Variants in PLXNA4 observed in about 807,000 individuals in gnomAD.
PLXNA4 encodes the protein plexin A4, also known as plexin-A4.
A neutral mutation model predicts 191.8 loss-of-function variants in PLXNA4; 44 were observed. That is an observed-to-expected ratio of 0.23 (90% CI 0.18 to 0.29). The LOEUF (loss-of-function observed/expected upper bound fraction) is 0.29, where lower values mean the gene tolerates loss of function less well. PLXNA4 is among the 10% of genes least tolerant of loss of function. The probability of loss-of-function intolerance (pLI) is 1.00; values close to 1 mark genes in which losing one functional copy is unlikely to be tolerated. For synonymous variants in PLXNA4, 1,082 were observed against 1,009.5 expected (o/e 1.07, Z -1.36); for missense variants, 1,800 against 2,488.8 (o/e 0.72, Z 5.89).
chr7:132,494,830 G>A (rs976500629), intron 2 of PLXNA4, among the ~76,000 whole-genome samples: 7 of 152,130 alleles, frequency 4.6e-5, no homozygotes, highest in East Asian at 1.9e-4. Flanking sequence ...AAATGCAGAC[G>A]GTTTCCTTCC....
chr7:132,579,807 G>A (rs1006806580), upstream of PLXNA4, among the ~76,000 whole-genome samples: 1 of 152,136 alleles, frequency 6.6e-6, no homozygotes, highest in African/African-American at 2.4e-5. Flanking sequence ...ACGGTAAAAG[G>A]CATACCAAAG....
chr7:132,206,437 G>GGTGTGTGTGTGTGTGTGTGTGT (rs61032250), intron 10 of PLXNA4, among the ~76,000 whole-genome samples: 2 of 148,334 alleles, frequency 1.3e-5, no homozygotes, highest in Non-Finnish European at 3.0e-5. Context: ...TATGTTTTCT[G>GGTGTGTGTGTGTGTGTGTGTGT]GTGTGTGTGT....
At chr7:132,614,090 T>C (rs1341744446) in intron 2 of PLXNA4, among the ~76,000 whole-genome samples, 1 of 152,250 alleles carries the variant, frequency 6.6e-6, no homozygotes, top group Non-Finnish European at 1.5e-5. Context: ...TGTAGAAATG[T>C]AATGTGAGTC....
At chr7:132,493,747 GTGGATGGATGGA>G (rs369999925) in intron 2 of PLXNA4, among the ~76,000 whole-genome samples, 2,271 of 146,440 alleles carry the variant, frequency 0.016, 45 homozygotes, top group African/African-American at 0.042. Flanking sequence ...GGGTGGATGG[GTGGATGGATGGA>G]TGGATGGATG....
intron 3 of PLXNA4, among the ~76,000 whole-genome samples, chr7:132,464,098 A>G (rs1267589690): frequency 1.3e-5 from 2 of 152,238 alleles, no homozygotes; most frequent in African/African-American, 2.4e-5. Flanking sequence ...TGCTGTAATA[A>G]TACCAATTAA....
intron 3 of PLXNA4, among the ~76,000 whole-genome samples, chr7:132,477,199 G>C (rs1797164737): frequency 6.6e-6 from 1 of 152,122 alleles, no homozygotes; most frequent in Non-Finnish European, 1.5e-5. Context: ...AAACTGTATG[G>C]ACAGAATTAT....
chr7:132,350,548 T>C (rs2341822), intron 3 of PLXNA4, among the ~76,000 whole-genome samples: 38,912 of 151,984 alleles, frequency 0.26, 5,359 homozygotes, highest in African/African-American at 0.35. Flanking sequence ...ATACATTAAC[T>C]CCATTCAGAG....
At chr7:132,465,172 G>A (rs1295659918) in intron 3 of PLXNA4, among the ~76,000 whole-genome samples, 3 of 151,380 alleles carry the variant, frequency 2.0e-5, no homozygotes, top group Non-Finnish European at 3.0e-5. Context: ...GTGATTTCAC[G>A]ATTCAGTCTA....
chr7:132,332,718 G>C (rs1802640370), intron 3 of PLXNA4, among the ~76,000 whole-genome samples: 1 of 151,936 alleles, frequency 6.6e-6, no homozygotes, highest in Non-Finnish European at 1.5e-5. Flanking sequence ...ACTTAGCTGG[G>C]TGTGGTGGGC....
At chr7:132,195,032 A>G (rs1797211635) in intron 13 of PLXNA4, among the ~76,000 whole-genome samples, 1 of 152,112 alleles carries the variant, frequency 6.6e-6, no homozygotes, top group South Asian at 2.1e-4. Context: ...TGCCCAATAC[A>G]TATATTTGCA....
intron 3 of PLXNA4, among the ~76,000 whole-genome samples, chr7:132,311,193 T>TGTGTGTGTGTGTGTGTGTGTGC (rs71178034): frequency 2.2e-5 from 2 of 89,828 alleles, no homozygotes; most frequent in African/African-American, 7.7e-5. Flanking sequence ...TGTGTGTGTG[T>TGTGTGTGTGTGTGTGTGTGTGC]GCGCGTGTGG....
chr7:132,330,288 C>T (rs1030586115), intron 3 of PLXNA4, among the ~76,000 whole-genome samples: 6 of 152,182 alleles, frequency 3.9e-5, no homozygotes, highest in African/African-American at 1.4e-4. Flanking sequence ...CCTCGCAGTG[C>T]TGGCCACCTT....
chr7:132,225,704 A>G (rs779904287), intron 8 of PLXNA4, among the ~76,000 whole-genome samples: 64 of 152,000 alleles, frequency 4.2e-4, no homozygotes, highest in Non-Finnish European at 7.1e-4. Flanking sequence ...TGAGCATGCA[A>G]TTGAGTGGTT....
chr7:132,396,627 A>T (rs1482790040), intron 3 of PLXNA4, among the ~76,000 whole-genome samples: 1 of 152,182 alleles, frequency 6.6e-6, no homozygotes, highest in Admixed American at 6.5e-5. Context: ...AGTAGCTGGG[A>T]TTACAGGTGT....
At chr7:132,532,966 G>T (rs1278132234) in intron 1 of PLXNA4, among the ~76,000 whole-genome samples, 2 of 152,176 alleles carry the variant, frequency 1.3e-5, no homozygotes, top group African/African-American at 4.8e-5. Context: ...GATCTTCCTT[G>T]TAGGTTGTGA....
At chr7:132,518,105 G>A (rs112778240) in intron 1 of PLXNA4, among the ~76,000 whole-genome samples, 133 of 152,156 alleles carry the variant, frequency 8.7e-4, no homozygotes, top group African/African-American at 2.9e-3. Context: ...CATGCAGCTC[G>A]CTACAGTCTG....
At chr7:132,293,082 A>G (rs1366151998) in intron 4 of PLXNA4, among the ~76,000 whole-genome samples, 2 of 152,156 alleles carry the variant, frequency 1.3e-5, no homozygotes, top group African/African-American at 4.8e-5. Context: ...GAGTCACAGG[A>G]TGGGGCCAAG....
At chr7:132,537,889 C>A (rs1309037248) in intron 1 of PLXNA4, among the ~76,000 whole-genome samples, 1 of 152,348 alleles carries the variant, frequency 6.6e-6, no homozygotes, top group Non-Finnish European at 1.5e-5. Context: ...GGGGCCACCA[C>A]AACCCGCACG....
At chr7:132,562,865 TCTCCTC>T (rs1206472791) in intron 1 of PLXNA4, among the ~76,000 whole-genome samples, 3 of 56,056 alleles carry the variant, frequency 5.4e-5, no homozygotes, top group Non-Finnish European at 9.8e-5. Flanking sequence ...TCCTCCTCCT[TCTCCTC>T]CTCCTCTTCT....
Sources: gnomAD v4.1 joint callset for allele counts (sites outside exome capture counted in the v4.1 genomes callset) on GRCh38, gnomAD v4.1.1 for gene constraint, MANE v1.5 for transcripts, NCBI Gene and HGNC (gene_info 2026-07-23, HGNC 2026-07-21) for gene names.